Variants in ZNF385D observed in about 807,000 individuals in gnomAD.
ZNF385D encodes the protein zinc finger protein 385D.
Under a neutral mutation model 35.8 loss-of-function variants are expected in ZNF385D, and 15 were observed. That is an observed-to-expected ratio of 0.42 (90% CI 0.28 to 0.64). The LOEUF is 0.64. Among genes scored for constraint, ZNF385D ranks in the 30% least tolerant of loss-of-function variants. ZNF385D has a pLI of 0.23. For missense variants in ZNF385D, 474 were observed against 494.6 expected (o/e 0.96, Z 0.39); for synonymous variants, 212 against 186.8 (o/e 1.13, Z -1.10).
chr3:21,949,604 C>T (rs1352370502), intron 3 of ZNF385D, among the ~76,000 whole-genome samples: 1 of 143,708 alleles, frequency 7.0e-6, no homozygotes, highest in Non-Finnish European at 1.5e-5. Context: ...ATGCACAGAA[C>T]GTGCAGGTTT....
chr3:21,831,143 C>A (rs1694964475), intron 3 of ZNF385D, among the ~76,000 whole-genome samples: 1 of 152,024 alleles, frequency 6.6e-6, no homozygotes, highest in Admixed American at 6.6e-5. Flanking sequence ...AGGCACAATT[C>A]AATAATTTTG....
At position 21,424,317 on chromosome 3, in the gene ZNF385D, A is replaced by ATATATATT. The variant is rs1221923155; in HGVS notation, c.853-254_853-253insAATATATA. On this transcript the variant is annotated intron_variant, in intron 6 of 7. Transcript: ENST00000281523. ...TATATATATTTATATATATATATATATTTTTTTTTTTTTTTGAGATGGAGT... is the reference window on the plus strand; with the variant it reads ...TATATATATTTATATATATATATATATATATATTTTTTTTTTTTTTTTTGAGATGGAGT... Among the ~76,000 whole-genome samples, 241 of 63,800 alleles carry ATATATATT rather than the reference A, an allele frequency of 3.8e-3. 9 individuals are homozygous for ATATATATT. Among genetic ancestry groups the ATATATATT allele is most frequent in the African/African-American group, 0.012 (196 of 16,298 alleles). The allele number at this position is 63,800 out of a possible 152,430, so 41.9% of individuals were successfully genotyped here.
chr3:21,621,982 G>C (rs1360596995), intron 2 of ZNF385D, among the ~76,000 whole-genome samples: 2 of 151,672 alleles, frequency 1.3e-5, no homozygotes, highest in Non-Finnish European at 2.9e-5. Context: ...TTGTATTTTT[G>C]TTTTGCTTTT....
intron 2 of ZNF385D, among the ~76,000 whole-genome samples, chr3:21,661,880 A>G (rs759427957): frequency 1.4e-4 from 22 of 152,120 alleles, no homozygotes; most frequent in Non-Finnish European, 2.8e-4. Flanking sequence ...TTCACACCCA[A>G]ACTTCATGGT....
At chr3:22,019,107 A>G (rs1441226198) in intron 3 of ZNF385D, among the ~76,000 whole-genome samples, 1 of 128,104 alleles carries the variant, frequency 7.8e-6, no homozygotes, top group African/African-American at 3.1e-5. Flanking sequence ...GCTTGCTTCA[A>G]GAGCCTTTAT....
At chr3:22,005,056 C>CAAAAAAAAAAAAAA (rs71044965) in intron 3 of ZNF385D, among the ~76,000 whole-genome samples, 2 of 57,368 alleles carry the variant, frequency 3.5e-5, no homozygotes, top group South Asian at 7.6e-4. Flanking sequence ...CACTCAGCAG[C>CAAAAAAAAAAAAAA]AAAAAAAAAA....
At chr3:21,722,083 G>C (rs1017504546) in intron 1 of ZNF385D, among the ~76,000 whole-genome samples, 2 of 137,820 alleles carry the variant, frequency 1.5e-5, no homozygotes, top group African/African-American at 2.8e-5. Context: ...TTTGGAGACA[G>C]AGTGAGACTC....
chr3:22,160,861 C>T (rs1473064349), intron 3 of ZNF385D, among the ~76,000 whole-genome samples: 2 of 152,202 alleles, frequency 1.3e-5, no homozygotes, highest in East Asian at 3.9e-4. Flanking sequence ...GTTACTCAAT[C>T]CTTCAACAAG....
intron 3 of ZNF385D, among the ~76,000 whole-genome samples, chr3:22,072,744 A>G (rs1348265605): frequency 2.6e-5 from 4 of 151,960 alleles, no homozygotes; most frequent in African/African-American, 9.7e-5. Flanking sequence ...AAGGAAGAAA[A>G]AAGAAGAAAT....
chr3:22,063,188 G>C (rs770576939), intron 3 of ZNF385D, among the ~76,000 whole-genome samples: 1 of 152,018 alleles, frequency 6.6e-6, no homozygotes, highest in Admixed American at 6.6e-5. Context: ...CTGAACTTCA[G>C]TTTCTCTATC....
At chr3:22,069,370 A>C (rs745388577) in intron 3 of ZNF385D, among the ~76,000 whole-genome samples, 1 of 152,214 alleles carries the variant, frequency 6.6e-6, no homozygotes, top group Non-Finnish European at 1.5e-5. Flanking sequence ...AGGATGCAGA[A>C]TGCTTTTTGG....
At chr3:22,096,614 G>C (rs1324069097) in intron 3 of ZNF385D, among the ~76,000 whole-genome samples, 1 of 151,932 alleles carries the variant, frequency 6.6e-6, no homozygotes, top group Non-Finnish European at 1.5e-5. Context: ...ACCCCTTAGG[G>C]TTAAAGGCAC....
chr3:21,901,446 C>T (rs1699408100), intron 3 of ZNF385D, among the ~76,000 whole-genome samples: 1 of 152,140 alleles, frequency 6.6e-6, no homozygotes, highest in African/African-American at 2.4e-5. Context: ...CAGCTACCAA[C>T]ATACACATTA....
intron 3 of ZNF385D, among the ~76,000 whole-genome samples, chr3:22,062,282 C>T (rs529726113): frequency 5.1e-4 from 78 of 152,186 alleles, no homozygotes; most frequent in African/African-American, 1.4e-3. Context: ...CTTAAACTCT[C>T]GGGATCAAGC....
chr3:22,059,272 A>G (rs1699571184), intron 3 of ZNF385D, among the ~76,000 whole-genome samples: 1 of 152,194 alleles, frequency 6.6e-6, no homozygotes, highest in African/African-American at 2.4e-5. Context: ...AGGGAAAAGA[A>G]GAAGAAGACA....
chr3:21,888,583 C>T (rs1698676076), intron 3 of ZNF385D, among the ~76,000 whole-genome samples: 1 of 151,726 alleles, frequency 6.6e-6, no homozygotes, highest in Non-Finnish European at 1.5e-5. Context: ...GCTGCGGAAA[C>T]AGAAGATTAA....
At chr3:21,858,508 T>A (rs1164743651) in intron 3 of ZNF385D, among the ~76,000 whole-genome samples, 1 of 152,044 alleles carries the variant, frequency 6.6e-6, no homozygotes, top group Non-Finnish European at 1.5e-5. Context: ...AATGGATTAG[T>A]GTCCTTATAA....
intron 3 of ZNF385D, among the ~76,000 whole-genome samples, chr3:21,903,175 G>T (rs1481139006): frequency 6.6e-6 from 1 of 152,094 alleles, no homozygotes; most frequent in African/African-American, 2.4e-5. Context: ...TTTCTAAAAA[G>T]GGTGACCCAT....
chr3:21,964,072 T>C (rs945741271), intron 3 of ZNF385D, among the ~76,000 whole-genome samples: 2 of 152,034 alleles, frequency 1.3e-5, no homozygotes, highest in Admixed American at 6.6e-5. Context: ...TAATAAAAGG[T>C]GGTTATCATC....
Sources: allele counts gnomAD v4.1 joint callset (sites outside exome capture counted in the v4.1 genomes callset), GRCh38; gene constraint gnomAD v4.1.1; transcripts MANE v1.5; gene names NCBI Gene and HGNC (gene_info 2026-07-23, HGNC 2026-07-21).